The following GLIS3 variants were observed in gnomAD, a reference collection of about 807,000 sequenced individuals.
The protein encoded by GLIS3 is zinc finger protein GLIS3.
GLIS3 carries 53 observed loss-of-function variants against 78.6 expected under a neutral mutation model. The observed-to-expected ratio is 0.67, with a 90% CI of 0.54 to 0.85. GLIS3 has a LOEUF of 0.85. Among genes scored for constraint, GLIS3 ranks in the 40% least tolerant of loss-of-function variants. The pLI is 0.00. For synonymous variants in GLIS3, 684 were observed against 509.9 expected (o/e 1.34, Z -4.60); for missense variants, 1,703 against 1,231.1 (o/e 1.38, Z -5.74).
chr9:4,171,570 A>T (rs575930159), intron 2 of GLIS3, among the ~76,000 whole-genome samples: 1 of 152,320 alleles, frequency 6.6e-6, no homozygotes, highest in East Asian at 1.9e-4. Context: ...TGATTTCGTT[A>T]AAGGATTTAT....
intron 2 of GLIS3, among the ~76,000 whole-genome samples, chr9:4,265,907 TG>T (rs1212059037): frequency 2.2e-4 from 15 of 68,290 alleles, no homozygotes; most frequent in Admixed American, 1.6e-3. Flanking sequence ...GTTTTTTTTT[TG>T]TTTGTCTGTT....
At chr9:3,938,942 T>C (rs912130182) in intron 4 of GLIS3, among the ~76,000 whole-genome samples, 33 of 152,272 alleles carry the variant, frequency 2.2e-4, no homozygotes, top group African/African-American at 7.9e-4. Context: ...AAACCTCTGT[T>C]TTTAGGGTTC....
chr9:4,060,938 T>A (rs1826593273), intron 4 of GLIS3, among the ~76,000 whole-genome samples: 1 of 152,168 alleles, frequency 6.6e-6, no homozygotes, highest in Non-Finnish European at 1.5e-5. Flanking sequence ...GCCCATGGAT[T>A]TTCTAGACTC....
intron 2 of GLIS3, among the ~76,000 whole-genome samples, chr9:4,325,960 C>T (rs912059985): frequency 6.6e-6 from 1 of 152,150 alleles, no homozygotes; most frequent in Non-Finnish European, 1.5e-5. Context: ...AACAGAGAAA[C>T]AAACACCACC....
chr9:4,202,792 T>C (rs1251335527), intron 2 of GLIS3, among the ~76,000 whole-genome samples: 2 of 152,252 alleles, frequency 1.3e-5, no homozygotes, highest in Non-Finnish European at 2.9e-5. Flanking sequence ...TGGGACTCTT[T>C]CTGTTCACCA....
At chr9:4,202,152 C>CTT (rs71324286) in intron 2 of GLIS3, among the ~76,000 whole-genome samples, 37,984 of 125,188 alleles carry the variant, frequency 0.3, 7,105 homozygotes, top group South Asian at 0.54. Flanking sequence ...CCCCCTTTTT[C>CTT]TTTTTTTTTT....
chr9:4,431,471 G>A, the GLIS3 span, among the ~76,000 whole-genome samples: 1 of 152,184 alleles, frequency 6.6e-6, no homozygotes, highest in Non-Finnish European at 1.5e-5. Context: ...GCTCCATGTA[G>A]TCAATCAGGG....
chr9:4,349,716 A>T (rs989055157), upstream of GLIS3, among the ~76,000 whole-genome samples: 12 of 146,688 alleles, frequency 8.2e-5, no homozygotes, highest in South Asian at 4.4e-4. Flanking sequence ...GATGAATAAA[A>T]GACAGAAAAA....
intron 1 of GLIS3, among the ~76,000 whole-genome samples, chr9:4,347,873 T>C (rs1353533959): frequency 2.6e-5 from 4 of 152,194 alleles, no homozygotes; most frequent in African/African-American, 9.7e-5. Context: ...TGTGGCTCAT[T>C]AGCCATTCTA....
chr9:3,872,057 C>T (rs1821003830), intron 8 of GLIS3, among the ~76,000 whole-genome samples: 1 of 152,174 alleles, frequency 6.6e-6, no homozygotes, highest in South Asian at 2.1e-4. Context: ...GTTCAAAGTT[C>T]CACAAATCTC....
intron 2 of GLIS3, among the ~76,000 whole-genome samples, chr9:4,327,142 A>G (rs1187493245): frequency 6.6e-6 from 1 of 152,156 alleles, no homozygotes; most frequent in Non-Finnish European, 1.5e-5. Flanking sequence ...TTGAGAGTTA[A>G]TGATGCAGTT....
chr9:4,367,566 G>T, the GLIS3 span, among the ~76,000 whole-genome samples: 4 of 146,040 alleles, frequency 2.7e-5, no homozygotes, highest in African/African-American at 1.0e-4. Flanking sequence ...CCCGGAATGT[G>T]GAAGTAGCAG....
chr9:3,852,794 G>A (rs1339740858), intron 9 of GLIS3, among the ~76,000 whole-genome samples: 1 of 152,114 alleles, frequency 6.6e-6, no homozygotes, highest in Non-Finnish European at 1.5e-5. Flanking sequence ...AACAGTCACT[G>A]GCCCATCTTC....
chr9:4,228,293 C>G (rs1335760946), intron 2 of GLIS3, among the ~76,000 whole-genome samples: 1 of 151,506 alleles, frequency 6.6e-6, no homozygotes, highest in African/African-American at 2.4e-5. Context: ...CTGACGGGAC[C>G]TCTAGGCACA....
the GLIS3 span, among the ~76,000 whole-genome samples, chr9:4,365,193 G>C: frequency 1.3e-5 from 2 of 152,118 alleles, no homozygotes; most frequent in Non-Finnish European, 2.9e-5. Context: ...AAGGTAGTTG[G>C]AATAGAGATG....
At chr9:4,407,506 G>A in the GLIS3 span, among the ~76,000 whole-genome samples, 1 of 152,188 alleles carries the variant, frequency 6.6e-6, no homozygotes, top group Non-Finnish European at 1.5e-5. Flanking sequence ...AATTAGCCGG[G>A]CGTGGTGGCG....
In GLIS3 at chr9:3,931,910, C is replaced by A. The variant is rs567418022; in HGVS notation, c.1983+450G>T. ...CTACTTGTCCTAGAGACGTACTTAC[C>A]TTCTTCATTAGAGCTTCACGATATT... On this transcript the variant is annotated intron_variant, in intron 6 of 10. Coordinates refer to ENST00000381971, the MANE Select transcript of GLIS3 (RefSeq NM_001042413.2). 7.2e-5 allele frequency among the ~76,000 whole-genome samples: 11 copies of A among 152,260 alleles called. No individual in the cohort carries two copies. In the East Asian group the frequency reaches 2.1e-3, roughly 29 times the overall value.
chr9:4,444,412 GC>G, the GLIS3 span, among the ~76,000 whole-genome samples: 11 of 152,140 alleles, frequency 7.2e-5, no homozygotes, highest in African/African-American at 2.7e-4. Context: ...AACATCATTA[GC>G]TCAACTATCT....
intron 4 of GLIS3, among the ~76,000 whole-genome samples, chr9:3,984,247 T>C (rs1819542510): frequency 6.6e-6 from 1 of 152,328 alleles, no homozygotes; most frequent in African/African-American, 2.4e-5. Context: ...ACTTTGTACC[T>C]AGAAAAGTTG....
Sources: allele counts gnomAD v4.1 joint callset (sites outside exome capture counted in the v4.1 genomes callset), GRCh38; gene constraint gnomAD v4.1.1; transcripts MANE v1.5; gene names NCBI Gene and HGNC (gene_info 2026-07-23, HGNC 2026-07-21).